The following LARGE1 variants were observed in gnomAD, a reference collection of about 807,000 sequenced individuals.
LARGE1 encodes LARGE xylosyl- and glucuronyltransferase 1, also known as xylosyl- and glucuronyltransferase LARGE1.
LARGE1 carries 43 observed loss-of-function variants against 87.6 expected under a neutral mutation model. The ratio of observed to expected loss-of-function variants is 0.49; its 90% CI spans 0.38 to 0.63. The LOEUF (loss-of-function observed/expected upper bound fraction) is 0.63, where lower values mean the gene tolerates loss of function less well. Among genes scored for constraint, LARGE1 ranks in the 30% least tolerant of loss-of-function variants. LARGE1 has a pLI of 0.00. For synonymous variants in LARGE1, 434 were observed against 394.6 expected, an observed-to-expected ratio of 1.10 and a Z score of -1.18; for missense variants, 802 against 1,000.2, an observed-to-expected ratio of 0.80 and a Z score of 2.67.
At chr22:33,696,815 T>C (rs1271147760) in intron 2 of LARGE1, among the ~76,000 whole-genome samples, 2 of 152,188 alleles carry the variant, frequency 1.3e-5, no homozygotes, top group African/African-American at 4.8e-5. Flanking sequence ...TCTCTTTGTA[T>C]AGCTTTTTGA....
At chr22:33,528,505 C>T (rs1391154923) in intron 6 of LARGE1, among the ~76,000 whole-genome samples, 1 of 152,140 alleles carries the variant, frequency 6.6e-6, no homozygotes, top group South Asian at 2.1e-4. Flanking sequence ...TAGCATTATC[C>T]AAGGGTGGAG....
At chr22:33,918,637 T>C (rs2065854720) in intron 1 of LARGE1, among the ~76,000 whole-genome samples, 1 of 152,226 alleles carries the variant, frequency 6.6e-6, no homozygotes. Flanking sequence ...CACCCATTTG[T>C]GAGGGATGGG....
At chr22:33,796,911 C>T (rs2086004337) in intron 1 of LARGE1, among the ~76,000 whole-genome samples, 1 of 151,834 alleles carries the variant, frequency 6.6e-6, no homozygotes, top group Non-Finnish European at 1.5e-5. Flanking sequence ...ATTACAGGGG[C>T]ACACCACCAC....
At chr22:33,733,503 A>AC in intron 2 of LARGE1, 1 of 152,346 alleles carries the variant, frequency 6.6e-6, no homozygotes, top group Non-Finnish European at 1.5e-5. Flanking sequence ...ACTGCCTGCC[A>AC]AAGAGACTCA....
chr22:33,176,510 A>C (rs924701955), intron 11 of LARGE1, among the ~76,000 whole-genome samples: 13 of 152,206 alleles, frequency 8.5e-5, no homozygotes, highest in Non-Finnish European at 1.5e-4. Context: ...ATGAATAGAG[A>C]CTTTTCAAAA....
chr22:33,104,477 G>A, the LARGE1 span, among the ~76,000 whole-genome samples: 1 of 152,240 alleles, frequency 6.6e-6, no homozygotes, highest in East Asian at 1.9e-4. Flanking sequence ...AAGAAATGCT[G>A]CATTGGAGAG....
chr22:33,391,670 A>C (rs1403688761), intron 7 of LARGE1, among the ~76,000 whole-genome samples: 1 of 152,134 alleles, frequency 6.6e-6, no homozygotes, highest in African/African-American at 2.4e-5. Flanking sequence ...CAAAAAAGAA[A>C]ATTTTAGAAA....
chr22:33,388,962 A>G (rs962757605), intron 7 of LARGE1, among the ~76,000 whole-genome samples: 1 of 152,262 alleles, frequency 6.6e-6, no homozygotes, highest in African/African-American at 2.4e-5. Flanking sequence ...GGAAACACAC[A>G]TAAGACACGT....
At position 33,554,216 on chromosome 22, in the gene LARGE1, T is replaced by C. The variant is rs28669789; in HGVS notation, c.787+10632A>G. ...CCAATCACACCGTGCCCAGTCTTTGTGCTTGCTGATTTCATCCTGCCCCCA... is the reference window on the plus strand; with the variant it reads ...CCAATCACACCGTGCCCAGTCTTTGCGCTTGCTGATTTCATCCTGCCCCCA... On this transcript the variant is annotated intron_variant, in intron 6 of 14. Transcript: ENST00000397394. Among the ~76,000 whole-genome samples the C allele has an allele frequency of 9.4e-3, 1,429 of 152,166 alleles. 23 individuals are homozygous for C. Among genetic ancestry groups the C allele is most frequent in the African/African-American group, 0.033 (1,378 of 41,532 alleles).
At chr22:33,080,609 T>C in the LARGE1 span, among the ~76,000 whole-genome samples, 1 of 152,180 alleles carries the variant, frequency 6.6e-6, no homozygotes, top group Non-Finnish European at 1.5e-5. Flanking sequence ...TGCCTAGAAG[T>C]GGAAGAATCA....
Position 33,894,363 on chromosome 22 carries a change from A to G in LARGE1, c.-83+25632T>C, listed in dbSNP as rs565349683. 2.6e-5 allele frequency among the ~76,000 whole-genome samples: 4 copies of G among 152,252 alleles called. No homozygotes were observed. In the East Asian group the frequency reaches 7.8e-4, roughly 30 times the overall value. ...CAGTTAAAGCTTTCCAGAGGATTCT[A>G]GTACACATCCTAGGTGAGAAACACT... On this transcript the variant is annotated intron_variant, in intron 1 of 14. Coordinates refer to ENST00000397394, the MANE Select transcript of LARGE1 (RefSeq NM_133642.5).
chr22:33,798,254 C>G (rs1325152182), intron 1 of LARGE1, among the ~76,000 whole-genome samples: 2 of 152,136 alleles, frequency 1.3e-5, no homozygotes, highest in African/African-American at 4.8e-5. Flanking sequence ...CTGGCCGTTA[C>G]ACTCCAGCCT....
At chr22:33,312,917 C>T (rs1935762944) in intron 11 of LARGE1, among the ~76,000 whole-genome samples, 1 of 152,124 alleles carries the variant, frequency 6.6e-6, no homozygotes, top group African/African-American at 2.4e-5. Flanking sequence ...CTTCCTGATG[C>T]TTAGTGGTGG....
At chr22:33,601,209 T>C (rs34750178) in intron 5 of LARGE1, among the ~76,000 whole-genome samples, 13,752 of 152,130 alleles carry the variant, frequency 0.09, 729 homozygotes, top group Middle Eastern at 0.15. Context: ...AGAAAAGATA[T>C]GGGGGAGGAG....
chr22:33,550,142 T>TAC (rs5845093), intron 6 of LARGE1, among the ~76,000 whole-genome samples: 21,909 of 142,102 alleles, frequency 0.15, 1,728 homozygotes, highest in African/African-American at 0.19. Flanking sequence ...ACTTAAAGTA[T>TAC]ACACACACAC....
intron 6 of LARGE1, among the ~76,000 whole-genome samples, chr22:33,468,593 T>C (rs576996128): frequency 2.6e-5 from 4 of 152,226 alleles, no homozygotes; most frequent in African/African-American, 4.8e-5. Context: ...AAAACATTTA[T>C]TGAATATTTC....
intron 11 of LARGE1, among the ~76,000 whole-genome samples, chr22:33,258,188 G>C (rs1262384688): frequency 6.6e-6 from 1 of 151,994 alleles, no homozygotes; most frequent in East Asian, 1.9e-4. Flanking sequence ...CCACCACCAC[G>C]CCCGGCTAAT....
rs568594721 is a variant in LARGE1 at position 33,398,269 on chromosome 22, C to T, written c.893-13965G>A. Among the ~76,000 whole-genome samples the T allele has an allele frequency of 3.3e-5, 5 of 152,102 alleles. No homozygotes were observed. In the South Asian group the frequency reaches 1.0e-3, roughly 32 times the overall value. On this transcript the variant is annotated intron_variant, in intron 7 of 14. Coordinates refer to ENST00000397394, the MANE Select transcript of LARGE1 (RefSeq NM_133642.5). ...ATCAAATCCATGCCCCATCTCTATC[C>T]CCAATGGCTTCAGGAAACTGAGGCT...
chr22:33,338,069 A>G (rs1938690378), intron 9 of LARGE1, among the ~76,000 whole-genome samples: 1 of 152,070 alleles, frequency 6.6e-6, no homozygotes, highest in Non-Finnish European at 1.5e-5. Flanking sequence ...GTGAAATGGG[A>G]ATAATCTGTG....
Sources: allele counts gnomAD v4.1 joint callset (sites outside exome capture counted in the v4.1 genomes callset), GRCh38; gene constraint gnomAD v4.1.1; transcripts MANE v1.5; gene names NCBI Gene and HGNC (gene_info 2026-07-23, HGNC 2026-07-21).